The following MSI2 variants were observed in gnomAD, a reference collection of about 807,000 sequenced individuals.
The protein encoded by MSI2 is musashi RNA binding protein 2, also known as RNA-binding protein Musashi homolog 2.
A neutral mutation model predicts 45.6 loss-of-function variants in MSI2; 17 were observed. The ratio of observed to expected loss-of-function variants is 0.37; its 90% CI spans 0.26 to 0.56. MSI2 has a LOEUF of 0.56. Ranked by LOEUF, MSI2 falls within the 20% of genes least tolerant of loss-of-function variation. MSI2 has a pLI of 0.77. For synonymous variants in MSI2, 156 were observed against 158.2 expected (o/e 0.99, Z 0.11); for missense variants, 293 against 444.2 (o/e 0.66, Z 3.06).
At chr17:57,687,930 C>A (rs1197667948), downstream of MSI2, among the ~76,000 whole-genome samples, 3 of 152,052 alleles carry the variant, frequency 2.0e-5, no homozygotes, top group Non-Finnish European at 4.4e-5. Flanking sequence ...CTGTCAACAT[C>A]TATTATACTA....
At chr17:57,411,880 G>A (rs1212612391) in intron 6 of MSI2, among the ~76,000 whole-genome samples, 3 of 151,918 alleles carry the variant, frequency 2.0e-5, no homozygotes, top group African/African-American at 2.4e-5. Context: ...GGTGGCGGGC[G>A]CTTGTAATCC....
chr17:57,586,954 G>C (rs974776951), intron 7 of MSI2, among the ~76,000 whole-genome samples: 1 of 152,084 alleles, frequency 6.6e-6, no homozygotes, highest in Non-Finnish European at 1.5e-5. Flanking sequence ...TCTCCACTTA[G>C]CTTGTCTTGA....
At chr17:57,350,692 T>C (rs1252760930) in intron 5 of MSI2, among the ~76,000 whole-genome samples, 1 of 152,178 alleles carries the variant, frequency 6.6e-6, no homozygotes, top group African/African-American at 2.4e-5. Flanking sequence ...TCAATTTGGC[T>C]TCAGCATCAC....
At chr17:57,355,925 T>C (rs936595427) in intron 5 of MSI2, among the ~76,000 whole-genome samples, 2 of 152,166 alleles carry the variant, frequency 1.3e-5, no homozygotes, top group African/African-American at 4.8e-5. Flanking sequence ...CAGGCTAGAG[T>C]GCGATGGCAC....
At chr17:57,649,913 A>T (rs1224802256) in intron 10 of MSI2, among the ~76,000 whole-genome samples, 1 of 152,092 alleles carries the variant, frequency 6.6e-6, no homozygotes, top group African/African-American at 2.4e-5. Context: ...TGGGGTGGCG[A>T]CTATGGAGCT....
intron 5 of MSI2, among the ~76,000 whole-genome samples, chr17:57,398,462 C>T (rs1192997397): frequency 6.6e-6 from 1 of 152,184 alleles, no homozygotes; most frequent in Admixed American, 6.5e-5. Flanking sequence ...GGAATCTCTG[C>T]CCATCTGAAA....
intron 7 of MSI2, among the ~76,000 whole-genome samples, chr17:57,576,750 CT>C (rs1228995565): frequency 1.1e-5 from 1 of 87,938 alleles, no homozygotes; most frequent in Non-Finnish European, 2.1e-5. Flanking sequence ...GAGAATCTGT[CT>C]TTAAAAAAAA....
intron 8 of MSI2, among the ~76,000 whole-genome samples, chr17:57,609,094 G>A (rs1429871026): frequency 6.6e-6 from 1 of 152,128 alleles, no homozygotes; most frequent in Non-Finnish European, 1.5e-5. Flanking sequence ...TTACACTTGA[G>A]TAGCATCTCC....
chr17:57,378,879 C>T (rs2083548459), intron 5 of MSI2, among the ~76,000 whole-genome samples: 1 of 152,134 alleles, frequency 6.6e-6, no homozygotes, highest in African/African-American at 2.4e-5. Flanking sequence ...ATGACTGGGA[C>T]AGTAAATGAG....
intron 6 of MSI2, among the ~76,000 whole-genome samples, chr17:57,488,823 TAAA>T (rs74268855): frequency 1.4e-5 from 2 of 140,256 alleles, no homozygotes; most frequent in Non-Finnish European, 3.1e-5. Context: ...AAACTCCGTC[TAAA>T]AAAAAAAAAA....
intron 11 of MSI2, among the ~76,000 whole-genome samples, chr17:57,671,780 C>CAAGT (rs1912800065): frequency 6.6e-6 from 1 of 152,248 alleles, no homozygotes; most frequent in Non-Finnish European, 1.5e-5. Context: ...CAGCTACTGA[C>CAAGT]AAGTTTATGT....
chr17:57,598,525 A>G (rs1223826455), intron 8 of MSI2, among the ~76,000 whole-genome samples: 1 of 152,232 alleles, frequency 6.6e-6, no homozygotes, highest in Non-Finnish European at 1.5e-5. Context: ...TGTTGGAGGC[A>G]TCAACTCAGA....
chr17:57,401,456 C>T lies in MSI2; in HGVS notation c.390C>T (p.Phe130=), dbSNP rs201726045. ...NTVVEDVKQY[F]EQFGKVEDAM... is the part of the protein sequence containing the mutation. ...TAGTGGAAGATGTAAAGCAATATTTCGAGCAGTTTGGCAAGGTAAGCGCTG... is the reference window on the plus strand; with the variant it reads ...TAGTGGAAGATGTAAAGCAATATTTTGAGCAGTTTGGCAAGGTAAGCGCTG... The change falls in exon 6 of 14, where the codon TTC becomes TTT. Residue 130 remains phenylalanine, a synonymous_variant. Coordinates refer to ENST00000284073, the MANE Select transcript of MSI2 (RefSeq NM_138962.4). 18 of 1,614,092 alleles carry T rather than the reference C, an allele frequency of 1.1e-5. No homozygotes were observed. In the East Asian group the frequency reaches 2.2e-4, roughly 20 times the overall value.
intron 11 of MSI2, among the ~76,000 whole-genome samples, chr17:57,664,970 A>T (rs1912258571): frequency 6.6e-6 from 1 of 152,238 alleles, no homozygotes; most frequent in South Asian, 2.1e-4. Flanking sequence ...GGTGAGCCTC[A>T]GGCAGGCCCA....
At chr17:57,544,505 C>G (rs2087121485) in intron 7 of MSI2, among the ~76,000 whole-genome samples, 1 of 152,188 alleles carries the variant, frequency 6.6e-6, no homozygotes, top group Non-Finnish European at 1.5e-5. Flanking sequence ...CCCAGCGAAT[C>G]TTGCTGCTGC....
chr17:57,377,013 T>C (rs1006908243), intron 5 of MSI2, among the ~76,000 whole-genome samples: 40 of 151,728 alleles, frequency 2.6e-4, no homozygotes, highest in African/African-American at 5.3e-4. Flanking sequence ...CTCCGCCTCC[T>C]GGGTTCATGC....
rs1355164135 is a variant in MSI2, at chr17:57,683,993, T to A, written c.*4476T>A. ...CACAAAAACATATAAATAAAATCCATCCCTCTTGTCGGGGACCTGCAGGGG... is the reference window on the plus strand; with the variant it reads ...CACAAAAACATATAAATAAAATCCAACCCTCTTGTCGGGGACCTGCAGGGG... On this transcript the variant is annotated 3_prime_UTR_variant, in exon 14 of 14. Transcript: ENST00000284073. This position sits in a 1 kb window ranked among gnomAD's most constrained non-coding sequence, Gnocchi z 5.2. 5 of 227,150 alleles carry A rather than the reference T, an allele frequency of 2.2e-5. No individual in the cohort carries two copies. Among genetic ancestry groups the A allele is most frequent in the Non-Finnish European group, 2.6e-5 (3 of 114,362 alleles). The allele number at this position is 227,150 out of a possible 1,614,324, so 14.1% of individuals were successfully genotyped here. A position where few individuals can be genotyped will look rare whatever the true frequency, so the allele number is the denominator to read the frequency against.
At chr17:57,454,755 G>C (rs1267194212) in intron 6 of MSI2, among the ~76,000 whole-genome samples, 3 of 152,126 alleles carry the variant, frequency 2.0e-5, no homozygotes, top group Non-Finnish European at 2.9e-5. Context: ...CTTTGACCCA[G>C]GTCTGTGGCT....
chr17:57,621,450 ATATT>A (rs1908283170), intron 9 of MSI2, among the ~76,000 whole-genome samples: 1 of 152,224 alleles, frequency 6.6e-6, no homozygotes, highest in Non-Finnish European at 1.5e-5. Context: ...CATTCAACAA[ATATT>A]TATTAAATGA....
Sources: allele counts gnomAD v4.1 joint callset (sites outside exome capture counted in the v4.1 genomes callset), GRCh38; gene constraint gnomAD v4.1.1; non-coding constraint Gnocchi (gnomAD v3.1); transcripts MANE v1.5; gene names NCBI Gene and HGNC (gene_info 2026-07-23, HGNC 2026-07-21).